Variants in YTHDF2 observed in about 807,000 individuals in gnomAD.
YTHDF2 encodes YTH N6-methyladenosine RNA binding protein F2, also known as YTH domain-containing family protein 2.
A neutral mutation model predicts 50.4 loss-of-function variants in YTHDF2; 2 were observed. The ratio of observed to expected loss-of-function variants is 0.04; its 90% CI spans 0.02 to 0.12. YTHDF2 has a LOEUF of 0.12. YTHDF2 is among the 10% of genes least tolerant of loss of function. The pLI is 1.00. For missense variants in YTHDF2, 483 were observed against 722.6 expected (o/e 0.67, Z 3.80); for synonymous variants, 217 against 255.6 (o/e 0.85, Z 1.44).
chr1:28,738,049 A>T (rs1470584413), intron 2 of YTHDF2, among the ~76,000 whole-genome samples: 1 of 151,834 alleles, frequency 6.6e-6, no homozygotes, highest in Non-Finnish European at 1.5e-5. Flanking sequence ...CAATAAAATG[A>T]CCTTTTTAGA....
intron 4 of YTHDF2, 99 bp downstream of exon 4, chr1:28,744,085 G>C: frequency 5.5e-6 from 7 of 1,269,474 alleles, no homozygotes; most frequent in Non-Finnish European, 6.3e-6. Flanking sequence ...CTCTGTAAAT[G>C]AATACAGTAT....
chr1:28,753,398 A>T (rs1034489290), intron 4 of YTHDF2, among the ~76,000 whole-genome samples: 1 of 108,862 alleles, frequency 9.2e-6, no homozygotes, highest in Non-Finnish European at 1.8e-5. Context: ...AAAAAAAAAA[A>T]TCAGCCAGGT....
At chr1:28,767,976 G>A (rs2088243750) in intron 4 of YTHDF2, among the ~76,000 whole-genome samples, 1 of 150,628 alleles carries the variant, frequency 6.6e-6, no homozygotes, top group Non-Finnish European at 1.5e-5. Context: ...GCTGAGTCGA[G>A]CAGATCACAA....
chr1:28,749,260 C>T (rs920794395), intron 4 of YTHDF2, among the ~76,000 whole-genome samples: 4 of 148,070 alleles, frequency 2.7e-5, no homozygotes, highest in Admixed American at 2.0e-4. Flanking sequence ...GGCGCATTCT[C>T]GGCCCACTGC....
At chr1:28,753,441 A>G (rs1261206749) in intron 4 of YTHDF2, among the ~76,000 whole-genome samples, 5 of 143,672 alleles carry the variant, frequency 3.5e-5, no homozygotes, top group Admixed American at 7.2e-5. Flanking sequence ...CTAGTTGCTC[A>G]GGAGGCTGAG....
At chr1:28,763,414 T>C (rs2088163704) in intron 4 of YTHDF2, among the ~76,000 whole-genome samples, 1 of 151,950 alleles carries the variant, frequency 6.6e-6, no homozygotes, top group African/African-American at 2.4e-5. Flanking sequence ...GCTGGGATTA[T>C]AGGTGCCTGA....
rs1163911841 is a variant in YTHDF2, at chr1:28,737,040, C to T, written c.-81C>T. The T allele has an allele frequency of 2.6e-6, 4 of 1,525,264 alleles. No individual in the cohort carries two copies. Among genetic ancestry groups the T allele is most frequent in the African/African-American group, 1.4e-5 (1 of 71,586 alleles). 94.5% of individuals were successfully genotyped at this position (1,525,264 alleles called of 1,614,324 possible). ...TCAGGGACAAAAGCCTCCGCCTGCT[C>T]CCGCAGACGGGGCTCATCTGCCGCC... On this transcript the variant is annotated 5_prime_UTR_variant, in exon 1 of 5. Transcript: ENST00000373812.
At chr1:28,757,940 C>T (rs972918796) in intron 4 of YTHDF2, among the ~76,000 whole-genome samples, 2 of 152,116 alleles carry the variant, frequency 1.3e-5, no homozygotes, top group African/African-American at 2.4e-5. Context: ...CATATATCCT[C>T]AATCTCTTGT....
intron 3 of YTHDF2, among the ~76,000 whole-genome samples, chr1:28,739,971 C>T (rs929012600): frequency 2.0e-5 from 3 of 152,164 alleles, no homozygotes; most frequent in East Asian, 1.9e-4. Flanking sequence ...AAGTTCTGAA[C>T]GTATGCTGTA....
intron 1 of YTHDF2, chr1:28,737,456 T>G (rs1401411086): frequency 1.4e-6 from 1 of 697,200 alleles, no homozygotes. Flanking sequence ...CGGTGGCGCG[T>G]CTGCCGCGTT....
chr1:28,742,318 T>G, intron 3 of YTHDF2, 85 bp from the exon 4 acceptor site: 1 of 1,482,968 alleles, frequency 6.7e-7, no homozygotes, highest in Non-Finnish European at 9.0e-7. Flanking sequence ...TTATAGTATA[T>G]TTGAATTGCG....
In YTHDF2 at chr1:28,769,555, GTTC is replaced by G. The variant is rs1442343128; in HGVS notation, c.*606_*608del. ...TACTAGGAGTCCTAAGAAATGTTCT[GTTC>G]TTGTACATTATACTGATTAAGTCAG... On this transcript the variant is annotated 3_prime_UTR_variant, in exon 5 of 5. Transcript: ENST00000373812. The G allele has an allele frequency of 3.9e-5, 6 of 152,620 alleles. No individual in the cohort carries two copies. The highest frequency in any genetic ancestry group is 1.4e-4 in the African/African-American group (6 of 41,440). 9.5% of individuals were successfully genotyped at this position (152,620 alleles called of 1,614,324 possible).
chr1:28,766,191 A>G (rs2088213077), intron 4 of YTHDF2, among the ~76,000 whole-genome samples: 1 of 152,114 alleles, frequency 6.6e-6, no homozygotes, highest in Admixed American at 6.6e-5. Flanking sequence ...TGCTGCCTTC[A>G]TCTCCCCGGG....
At chr1:28,749,223 G>T (rs1385451665) in intron 4 of YTHDF2, among the ~76,000 whole-genome samples, 2 of 126,378 alleles carry the variant, frequency 1.6e-5, no homozygotes, top group South Asian at 2.3e-4. Flanking sequence ...TCTCAGTCTC[G>T]CTCTGTCGTC....
At chr1:28,759,948 T>C (rs2088089662) in intron 4 of YTHDF2, among the ~76,000 whole-genome samples, 1 of 152,194 alleles carries the variant, frequency 6.6e-6, no homozygotes, top group South Asian at 2.1e-4. Flanking sequence ...AGAGCGAGAC[T>C]CTTGTCTTTA....
rs115316943 is a variant in YTHDF2 at position 28,752,373 on chromosome 1, A to G, written c.1716+8387A>G. ...AGTGCAGTGCAGTGGCATGATCTCA[A>G]CTCACTGTGTCCTCCACCTCCCGGG... On this transcript the variant is annotated intron_variant, in intron 4 of 4. Transcript: ENST00000373812. Among the ~76,000 whole-genome samples the G allele has an allele frequency of 3.0e-3, 461 of 151,916 alleles. 3 individuals carry two copies. Among genetic ancestry groups the G allele is most frequent in the African/African-American group, 0.011 (437 of 41,418 alleles).
Position 28,743,994 on chromosome 1 carries a change from ACTT to A in YTHDF2, c.1716+15_1716+17del, listed in dbSNP as rs537364501. 3,076 of 1,524,240 alleles carry A rather than the reference ACTT, an allele frequency of 2.0e-3. 5 individuals are homozygous for A. The highest frequency in any genetic ancestry group is 2.2e-3 in the Non-Finnish European group (2,549 of 1,140,588). 94.4% of individuals were successfully genotyped at this position (1,524,240 alleles called of 1,614,324 possible). On this transcript the variant is annotated intron_variant, in intron 4 of 4. Transcript: ENST00000373812. The surrounding 1 kb of genome is among the most constrained non-coding windows in gnomAD (Gnocchi z 6.9). ...GAAGAAAGTGTTAAAAAGGTAACCC[ACTT>A]CTTCTTATTAAGATTTTTAGGGAAG...
Position 28,737,093 on chromosome 1 carries a change from C to T in YTHDF2, c.-28C>T, listed in dbSNP as rs761228946. On this transcript the variant is annotated 5_prime_UTR_variant, in exon 1 of 5. Transcript: ENST00000373812. ...CGCCGCGCTGAGGAGAGTTCGCCGCCGTCGCCGCCCGTGAGGATCTGAGAG... is the reference window on the plus strand; with the variant it reads ...CGCCGCGCTGAGGAGAGTTCGCCGCTGTCGCCGCCCGTGAGGATCTGAGAG... 1.3e-5 allele frequency: 20 copies of T among 1,589,008 alleles called. No homozygotes were observed. The highest frequency in any genetic ancestry group is 9.2e-5 in the East Asian group (4 of 43,536).
rs766007383 is a variant in YTHDF2 at position 28,744,001 on chromosome 1, C to A, written c.1716+15C>A. The A allele has an allele frequency of 3.3e-6, 5 of 1,519,664 alleles. No homozygotes were observed. The highest frequency in any genetic ancestry group is 2.3e-5 in the East Asian group (1 of 44,178). The allele number at this position is 1,519,664 out of a possible 1,614,324, so 94.1% of individuals were successfully genotyped here. On this transcript the variant is annotated intron_variant, in intron 4 of 4. Transcript: ENST00000373812. Reference sequence around the variant, plus strand: ...GTGTTAAAAAGGTAACCCACTTCTTCTTATTAAGATTTTTAGGGAAGGAGG... The same window carrying A: ...GTGTTAAAAAGGTAACCCACTTCTTATTATTAAGATTTTTAGGGAAGGAGG...
Sources: allele counts gnomAD v4.1 joint callset (sites outside exome capture counted in the v4.1 genomes callset), GRCh38; gene constraint gnomAD v4.1.1; non-coding constraint Gnocchi (gnomAD v3.1); transcripts MANE v1.5; gene names NCBI Gene and HGNC (gene_info 2026-07-23, HGNC 2026-07-21).